Variants in STK24 observed in about 807,000 individuals in gnomAD.
The protein encoded by STK24 is serine/threonine-protein kinase 24.
A neutral mutation model predicts 55.6 loss-of-function variants in STK24; 21 were observed. The ratio of observed to expected loss-of-function variants is 0.38; its 90% CI spans 0.27 to 0.54. The LOEUF (loss-of-function observed/expected upper bound fraction) is 0.54. Among genes scored for constraint, STK24 ranks in the 20% least tolerant of loss-of-function variants. The pLI, the probability that STK24 is intolerant of heterozygous loss-of-function variation, is 0.79. For missense variants in STK24, 383 were observed against 538.4 expected (o/e 0.71, Z 2.86); for synonymous variants, 200 against 215.2 (o/e 0.93, Z 0.62).
intron 1 of STK24, among the ~76,000 whole-genome samples, chr13:98,572,441 G>A (rs778200505): frequency 2.4e-4 from 36 of 152,066 alleles, no homozygotes; most frequent in Non-Finnish European, 4.7e-4. Context: ...AAAAGAACCC[G>A]TGGAAATGTG....
chr13:98,487,313 C>A (rs1435507734), intron 2 of STK24, among the ~76,000 whole-genome samples: 3 of 152,108 alleles, frequency 2.0e-5, no homozygotes, highest in Admixed American at 1.3e-4. Context: ...TGACTTTAAT[C>A]GAAATAATTT....
chr13:98,506,360 G>A (rs986418320), intron 2 of STK24, among the ~76,000 whole-genome samples: 1 of 152,228 alleles, frequency 6.6e-6, no homozygotes, highest in African/African-American at 2.4e-5. Flanking sequence ...TAACTGGAAC[G>A]GCTGCAATGA....
In STK24 at chr13:98,448,252, C is replaced by T. The variant is rs143527821; in HGVS notation, c.*4921G>A. The T allele has an allele frequency of 5.8e-4, 934 of 1,613,842 alleles. No individual in the cohort carries two copies. Among genetic ancestry groups the T allele is most frequent in the Non-Finnish European group, 7.0e-4 (829 of 1,179,744 alleles). The stretch of plus-strand genomic sequence containing the variant: ...GTGTTGCAGGTGGATGGAAGTGATC[C>T]GCAGTGCCACCAGCTCTGCCTCGCG... On this transcript the variant is annotated 3_prime_UTR_variant, in exon 11 of 11. Transcript: ENST00000539966.
At chr13:98,461,043 C>CAAAA (rs371783720) in intron 8 of STK24, among the ~76,000 whole-genome samples, 3 of 120,178 alleles carry the variant, frequency 2.5e-5, no homozygotes, top group Non-Finnish European at 5.4e-5. Context: ...GACCCCGTCT[C>CAAAA]AAAAAAAAAA....
chr13:98,576,717 C>A (rs1897908468), intron 1 of STK24, 28 bp downstream of exon 1: 2 of 1,458,306 alleles, frequency 1.4e-6, no homozygotes, highest in Admixed American at 2.4e-5. Flanking sequence ...GGTCGCGCAT[C>A]CCGGCCCCGC....
At chr13:98,464,317 G>A (rs2139262227) in intron 6 of STK24, among the ~76,000 whole-genome samples, 1 of 151,746 alleles carries the variant, frequency 6.6e-6, no homozygotes, top group African/African-American at 2.4e-5. Context: ...TACTCAGGAG[G>A]CTGAGGCAGG....
intron 2 of STK24, among the ~76,000 whole-genome samples, chr13:98,496,132 C>A (rs1895244625): frequency 6.6e-6 from 1 of 152,118 alleles, no homozygotes; most frequent in African/African-American, 2.4e-5. Context: ...CTGTGGGGAG[C>A]CATGGGTGGG....
chr13:98,572,934 T>C (rs1897780074), intron 1 of STK24, among the ~76,000 whole-genome samples: 2 of 152,312 alleles, frequency 1.3e-5, no homozygotes, highest in South Asian at 4.1e-4. Flanking sequence ...CTTTTTTAAA[T>C]ATACCACAAC....
chr13:98,546,434 T>A (rs1442625065), intron 1 of STK24, among the ~76,000 whole-genome samples: 3 of 151,664 alleles, frequency 2.0e-5, no homozygotes, highest in African/African-American at 4.9e-5. Flanking sequence ...AAAAAAAAAA[T>A]GAAATCCCCA....
intron 2 of STK24, among the ~76,000 whole-genome samples, chr13:98,495,899 C>T (rs1233165812): frequency 3.3e-5 from 5 of 152,182 alleles, no homozygotes; most frequent in South Asian, 2.1e-4. Context: ...TCTGATACCA[C>T]GGGCTCCATG....
chr13:98,572,149 C>T (rs1266820329), intron 1 of STK24, among the ~76,000 whole-genome samples: 1 of 152,204 alleles, frequency 6.6e-6, no homozygotes, highest in East Asian at 1.9e-4. Context: ...CTTCTTAGAG[C>T]ACATGCCCCA....
At position 98,454,313 on chromosome 13, in the gene STK24, G is replaced by A. The variant is rs149154766; in HGVS notation, c.1260-1104C>T. 121 of 152,224 alleles carry A rather than the reference G, an allele frequency of 7.9e-4. 1 individual carries two copies. The highest frequency in any genetic ancestry group is 2.8e-3 in the African/African-American group (117 of 41,520). 9.4% of individuals were successfully genotyped at this position (152,224 alleles called of 1,614,324 possible). A position where few individuals can be genotyped will look rare whatever the true frequency, so the allele number is the denominator to read the frequency against. On this transcript the variant is annotated intron_variant, in intron 10 of 10. Transcript: ENST00000539966. Reference sequence around the variant, plus strand: ...AGAAGACAACAAAGGGTGAGAACGGGGTCCCCTCATGACCACAATTCCCTC... The same window carrying A: ...AGAAGACAACAAAGGGTGAGAACGGAGTCCCCTCATGACCACAATTCCCTC...
chr13:98,568,352 G>A (rs144232160), intron 1 of STK24, among the ~76,000 whole-genome samples: 67 of 152,228 alleles, frequency 4.4e-4, no homozygotes, highest in African/African-American at 1.5e-3. Flanking sequence ...GGAACTGACG[G>A]CACCAGTCCC....
chr13:98,462,049 G>C, intron 7 of STK24, 152 bp from the exon 8 acceptor site: 1 of 961,484 alleles, frequency 1.0e-6, no homozygotes, highest in African/African-American at 1.6e-5. Flanking sequence ...GTCCCTCTGG[G>C]ATTTCCCAAA....
intron 1 of STK24, chr13:98,553,732 A>C (rs1897213382): frequency 6.6e-6 from 1 of 152,286 alleles, no homozygotes; most frequent in Non-Finnish European, 1.5e-5. Context: ...ATGAAGTACA[A>C]AGAGAGTTGC....
intron 1 of STK24, among the ~76,000 whole-genome samples, chr13:98,567,596 A>T (rs1376591274): frequency 1.3e-5 from 2 of 152,208 alleles, no homozygotes; most frequent in Non-Finnish European, 2.9e-5. Context: ...AGATGGAAAA[A>T]TAAGCAGACA....
chr13:98,468,566 T>A (rs553593145), intron 5 of STK24, among the ~76,000 whole-genome samples: 1 of 152,324 alleles, frequency 6.6e-6, no homozygotes, highest in African/African-American at 2.4e-5. Flanking sequence ...GTGACTCTTG[T>A]GTGGCAGCGG....
chr13:98,452,013 C>T lies in STK24; in HGVS notation c.*1160G>A, dbSNP rs926262878. 18 of 152,336 alleles carry T rather than the reference C, an allele frequency of 1.2e-4. No individual in the cohort carries two copies. The highest frequency in any genetic ancestry group is 2.4e-4 in the Non-Finnish European group (16 of 68,082). The allele number at this position is 152,336 out of a possible 1,614,324, so 9.4% of individuals were successfully genotyped here. ...AGTCCAGGGCGCTGACCTGGGCACT[C>T]GGCAGCTCCAGGCCTGGGGACTTCT... On this transcript the variant is annotated 3_prime_UTR_variant, in exon 11 of 11. Coordinates refer to ENST00000539966, the MANE Select transcript of STK24 (RefSeq NM_001032296.4).
At chr13:98,479,086 C>T (rs1475249625) in intron 3 of STK24, among the ~76,000 whole-genome samples, 1 of 152,144 alleles carries the variant, frequency 6.6e-6, no homozygotes, top group Non-Finnish European at 1.5e-5. Flanking sequence ...GGTTTCCCTC[C>T]CCGGGCTACA....
Sources: gnomAD v4.1 joint callset for allele counts (sites outside exome capture counted in the v4.1 genomes callset) on GRCh38, gnomAD v4.1.1 for gene constraint, MANE v1.5 for transcripts, NCBI Gene and HGNC (gene_info 2026-07-23, HGNC 2026-07-21) for gene names.